Variants in OTUD7A observed in about 807,000 individuals in gnomAD.
OTUD7A encodes the protein OTU deubiquitinase 7A.
Under a neutral mutation model 65.7 loss-of-function variants are expected in OTUD7A, and 12 were observed. That is an observed-to-expected ratio of 0.18 (90% CI 0.12 to 0.30). OTUD7A has a LOEUF of 0.30. Ranked by LOEUF, OTUD7A falls within the 10% of genes least tolerant of loss-of-function variation. OTUD7A has a pLI of 1.00. For synonymous variants in OTUD7A, 641 were observed against 586.3 expected (o/e 1.09, Z -1.35); for missense variants, 1,148 against 1,304.8 (o/e 0.88, Z 1.85).
intron 2 of OTUD7A, among the ~76,000 whole-genome samples, chr15:31,656,067 T>C (rs1343112572): frequency 6.6e-6 from 1 of 152,174 alleles, no homozygotes; most frequent in Admixed American, 6.5e-5. Context: ...CTGAACTATC[T>C]ACCATCCCTC....
chr15:31,859,049 G>A (rs1897652210), intron 1 of OTUD7A, among the ~76,000 whole-genome samples: 1 of 152,210 alleles, frequency 6.6e-6, no homozygotes, highest in Admixed American at 6.5e-5. Context: ...AAAGTATTTT[G>A]CAAACTGCAA....
chr15:31,828,397 G>A (rs148491562), intron 1 of OTUD7A, among the ~76,000 whole-genome samples: 29 of 151,936 alleles, frequency 1.9e-4, no homozygotes, highest in Non-Finnish European at 3.7e-4. Context: ...TGTTTACATC[G>A]TGTAATGTTT....
intron 1 of OTUD7A, 95 bp downstream of exon 1, chr15:31,870,412 G>C (rs1272984124): frequency 2.0e-5 from 3 of 146,562 alleles, no homozygotes; most frequent in Non-Finnish European, 4.6e-5. Context: ...TCGGGAAGGA[G>C]ACGGCGCCGG....
chr15:31,551,319 A>G lies in OTUD7A; in HGVS notation c.550+7650T>C, dbSNP rs146056041. ...TGCGATTGGGAACATGCAAAGTTTC[A>G]TGGTTTCATGTTTCTATTCCTGGCT... is the stretch of plus-strand genomic sequence containing the variant. On this transcript the variant is annotated intron_variant, in intron 5 of 12. Coordinates refer to ENST00000307050, the MANE Select transcript of OTUD7A (RefSeq NM_001382637.1). Among the ~76,000 whole-genome samples, 361 of 152,304 alleles carry G rather than the reference A, an allele frequency of 2.4e-3. 5 individuals carry two copies. Among genetic ancestry groups the G allele is most frequent in the African/African-American group, 8.2e-3 (341 of 41,570 alleles).
chr15:31,676,512 T>C (rs1174039553), intron 1 of OTUD7A, among the ~76,000 whole-genome samples: 2 of 152,220 alleles, frequency 1.3e-5, no homozygotes, highest in Non-Finnish European at 2.9e-5. Flanking sequence ...AATGTTTTGC[T>C]TTCCTAAGAG....
intron 1 of OTUD7A, among the ~76,000 whole-genome samples, chr15:31,870,145 T>C (rs943977093): frequency 1.0e-4 from 15 of 149,608 alleles, no homozygotes; most frequent in African/African-American, 1.7e-4. Flanking sequence ...GCCCCACGCC[T>C]GGCATCACGT....
At chr15:31,557,224 C>G (rs1195351600) in intron 5 of OTUD7A, 1 of 152,276 alleles carries the variant, frequency 6.6e-6, no homozygotes, top group African/African-American at 2.4e-5. Context: ...TGTGCCTTCC[C>G]TCTTGAAAGT....
At chr15:31,850,282 CCAT>C (rs1897388942) in intron 1 of OTUD7A, among the ~76,000 whole-genome samples, 1 of 152,082 alleles carries the variant, frequency 6.6e-6, no homozygotes, top group Non-Finnish European at 1.5e-5. Flanking sequence ...AAGCTGGAAA[CCAT>C]CATTCTGAGC....
chr15:31,580,371 A>G (rs1889336094), intron 3 of OTUD7A, among the ~76,000 whole-genome samples: 1 of 152,226 alleles, frequency 6.6e-6, no homozygotes, highest in South Asian at 2.1e-4. Flanking sequence ...GGCATTTTCA[A>G]TAGGGGTGAA....
intron 1 of OTUD7A, among the ~76,000 whole-genome samples, chr15:31,835,522 C>G (rs1412305965): frequency 6.6e-6 from 1 of 152,114 alleles, no homozygotes; most frequent in Non-Finnish European, 1.5e-5. Flanking sequence ...ACAAGGCAGC[C>G]AGGGTTGGTC....
In OTUD7A at chr15:31,732,736, T is replaced by A. The variant is rs140166368; in HGVS notation, c.-99-75659A>T. Among the ~76,000 whole-genome samples, 132 of 151,776 alleles carry A rather than the reference T, an allele frequency of 8.7e-4. 1 individual carries two copies. The highest frequency in any genetic ancestry group is 3.1e-3 in the African/African-American group (128 of 41,540). Reference sequence around the variant, plus strand: ...TTCACACTGTGGAAATAATTCACCCTAAGTGGAAAGAATGACAAAGAAGAC... The same window carrying A: ...TTCACACTGTGGAAATAATTCACCCAAAGTGGAAAGAATGACAAAGAAGAC... On this transcript the variant is annotated intron_variant, in intron 1 of 12. Coordinates refer to ENST00000307050, the MANE Select transcript of OTUD7A (RefSeq NM_001382637.1).
intron 3 of OTUD7A, among the ~76,000 whole-genome samples, chr15:31,651,051 GC>G (rs1401851905): frequency 7.7e-6 from 1 of 129,080 alleles, no homozygotes; most frequent in Non-Finnish European, 1.6e-5. Context: ...AACAGACAAA[GC>G]TTGAAAACCT....
chr15:31,482,390 G>T lies in OTUD7A; in HGVS notation c.*904C>A, dbSNP rs1345012215. ...GGTCAATTCCTCGCTGTCTCCCGGG[G>T]CACCGATGGTCACCGCCCAGGGGCC... On this transcript the variant is annotated 3_prime_UTR_variant, in exon 13 of 13. Coordinates refer to ENST00000307050, the MANE Select transcript of OTUD7A (RefSeq NM_001382637.1). 2.0e-5 allele frequency: 3 copies of T among 152,324 alleles called. No individual in the cohort carries two copies. The highest frequency in any genetic ancestry group is 4.4e-5 in the Non-Finnish European group (3 of 68,092). The allele number at this position is 152,324 out of a possible 1,614,324, so 9.4% of individuals were successfully genotyped here.
intron 1 of OTUD7A, among the ~76,000 whole-genome samples, chr15:31,857,437 G>A (rs1013911562): frequency 2.0e-5 from 3 of 152,088 alleles, no homozygotes; most frequent in African/African-American, 7.2e-5. Flanking sequence ...CCTGGCCTGG[G>A]CACTCGTAGT....
At chr15:31,745,280 AC>A (rs1262829882) in intron 1 of OTUD7A, among the ~76,000 whole-genome samples, 3 of 152,172 alleles carry the variant, frequency 2.0e-5, no homozygotes, top group Non-Finnish European at 4.4e-5. Flanking sequence ...GCATTCCAGA[AC>A]TTAAAGAGTT....
At chr15:31,787,520 T>C (rs756792774) in intron 1 of OTUD7A, 3 of 152,118 alleles carry the variant, frequency 2.0e-5, no homozygotes, top group Non-Finnish European at 2.9e-5. Context: ...AGAGAGTTCA[T>C]AGTGGAGAGG....
chr15:31,799,735 T>A (rs549385384), intron 1 of OTUD7A, among the ~76,000 whole-genome samples: 2 of 152,212 alleles, frequency 1.3e-5, no homozygotes, highest in African/African-American at 4.8e-5. Flanking sequence ...TACTTTGTTA[T>A]GGCAGCCTGA....
chr15:31,619,851 C>T (rs910585545), intron 3 of OTUD7A, among the ~76,000 whole-genome samples: 10 of 152,170 alleles, frequency 6.6e-5, no homozygotes, highest in Non-Finnish European at 5.9e-5. Flanking sequence ...TGCCAGTTTT[C>T]AAAGGGAATG....
rs1467597702 is a variant in OTUD7A, at chr15:31,640,022, A to G, written c.151+15074T>C. Among the ~76,000 whole-genome samples the G allele has an allele frequency of 8.5e-4, 129 of 152,288 alleles. 4 individuals are homozygous for G. The highest frequency in any genetic ancestry group is 1.5e-4 in the Non-Finnish European group (10 of 68,028). On this transcript the variant is annotated intron_variant, in intron 3 of 12. Transcript: ENST00000307050. The stretch of plus-strand genomic sequence containing the variant: ...CAGTTTAAGTTTTTAATGAAGTCCA[A>G]TTTATTAATTTTTCTTTTATGGATT...
Sources: gnomAD v4.1 joint callset for allele counts (sites outside exome capture counted in the v4.1 genomes callset) on GRCh38, gnomAD v4.1.1 for gene constraint, MANE v1.5 for transcripts, NCBI Gene and HGNC (gene_info 2026-07-23, HGNC 2026-07-21) for gene names.